The following USP45 variants were observed in gnomAD, a reference collection of about 807,000 sequenced individuals.
USP45 encodes the protein ubiquitin specific peptidase 45, also known as ubiquitin carboxyl-terminal hydrolase 45.
In USP45, 89 loss-of-function variants were observed where a neutral mutation model predicts 95.8. The ratio of observed to expected loss-of-function variants is 0.93; its 90% CI spans 0.78 to 1.11. USP45 has a LOEUF of 1.11. Ranked by LOEUF, USP45 falls within the 50% of genes least tolerant of loss-of-function variation. The pLI, the probability that USP45 is intolerant of heterozygous loss-of-function variation, is 0.00. For missense variants in USP45, 898 were observed against 942.5 expected, an observed-to-expected ratio of 0.95 and a Z score of 0.62; for synonymous variants, 281 against 316.2, an observed-to-expected ratio of 0.89 and a Z score of 1.18.
At chr6:99,492,255 T>C (rs1034208146) in intron 5 of USP45, among the ~76,000 whole-genome samples, 6 of 152,198 alleles carry the variant, frequency 3.9e-5, no homozygotes, top group African/African-American at 1.4e-4. Context: ...ATATCCACGC[T>C]TCACTGTGTG....
Position 99,465,129 on chromosome 6 carries a change from G to A in USP45, c.1115C>T (p.Thr372Met), listed in dbSNP as rs141265374. 3.7e-4 allele frequency: 581 copies of A among 1,588,702 alleles called. 1 individual carries two copies. The highest frequency in any genetic ancestry group is 4.2e-4 in the Non-Finnish European group (489 of 1,164,758). The change falls in exon 12 of 18, where the codon ACG becomes ATG. Residue 372 changes from threonine (T) to methionine (M), a missense_variant. By Grantham distance (81) the Thr-to-Met change is moderately conservative. Coordinates refer to ENST00000500704, the MANE Select transcript of USP45 (RefSeq NM_001346022.3). ...VMCEECANIS[T>M]VKDPFIDISL... ...AATATCAATGAATGGATCTTTCACCGTGGAGATCTTAAAAGGAAAACACAT... is the reference window on the plus strand; with the variant it reads ...AATATCAATGAATGGATCTTTCACCATGGAGATCTTAAAAGGAAAACACAT...
intron 13 of USP45, among the ~76,000 whole-genome samples, chr6:99,447,393 G>A (rs1359820031): frequency 6.6e-6 from 1 of 152,190 alleles, no homozygotes; most frequent in African/African-American, 2.4e-5. Context: ...TATAAAAAGT[G>A]TCTTGCCTCA....
At chr6:99,448,223 T>G (rs1196913416) in intron 13 of USP45, among the ~76,000 whole-genome samples, 2 of 152,126 alleles carry the variant, frequency 1.3e-5, no homozygotes, top group African/African-American at 4.8e-5. Context: ...GAAGAAGGCT[T>G]CAGATGATCA....
chr6:99,466,815 C>A (rs1236939002), intron 10 of USP45, 52 bp from the exon 11 acceptor site: 2 of 1,360,256 alleles, frequency 1.5e-6, no homozygotes, highest in Non-Finnish European at 2.1e-6. Flanking sequence ...ATCCATCTAG[C>A]AGTATAATAG....
At chr6:99,489,552 T>C (rs1432312857) in intron 5 of USP45, among the ~76,000 whole-genome samples, 2 of 152,204 alleles carry the variant, frequency 1.3e-5, no homozygotes, top group African/African-American at 2.4e-5. Flanking sequence ...TTTTTAAAAA[T>C]AAACAGAACC....
chr6:99,499,478 T>G (rs1187740970), intron 5 of USP45, among the ~76,000 whole-genome samples: 1 of 152,188 alleles, frequency 6.6e-6, no homozygotes, highest in Non-Finnish European at 1.5e-5. Flanking sequence ...AACTATTATA[T>G]CCAAAAACTT....
At chr6:99,454,204 C>T (rs1402784395) in intron 13 of USP45, among the ~76,000 whole-genome samples, 1 of 152,142 alleles carries the variant, frequency 6.6e-6, no homozygotes, top group Non-Finnish European at 1.5e-5. Flanking sequence ...AGAACAAACA[C>T]TGGGGGAAGG....
chr6:99,480,917 C>T (rs1792247799), intron 8 of USP45, among the ~76,000 whole-genome samples: 1 of 151,908 alleles, frequency 6.6e-6, no homozygotes, highest in African/African-American at 2.4e-5. Context: ...AAAGTAAACG[C>T]CATAAAACAA....
At chr6:99,464,811 C>T in intron 12 of USP45, 64 bp from the exon 13 acceptor site, 1 of 1,485,348 alleles carries the variant, frequency 6.7e-7, no homozygotes, top group Non-Finnish European at 8.9e-7. Context: ...ATGTCCTCAT[C>T]TTAAAATTTT....
At chr6:99,510,693 C>T (rs1026199659) in intron 1 of USP45, among the ~76,000 whole-genome samples, 25 of 152,244 alleles carry the variant, frequency 1.6e-4, no homozygotes, top group Admixed American at 1.4e-3. Flanking sequence ...GATTTGCCAG[C>T]ATCTTGACCC....
chr6:99,459,599 C>T (rs1785917359), intron 13 of USP45, among the ~76,000 whole-genome samples: 1 of 152,180 alleles, frequency 6.6e-6, no homozygotes, highest in Admixed American at 6.5e-5. Context: ...TATACTTCTA[C>T]CAACAGAGTA....
At chr6:99,446,491 A>G (rs762381876) in intron 13 of USP45, 28 bp from the exon 14 acceptor site, 5 of 1,229,126 alleles carry the variant, frequency 4.1e-6, no homozygotes, top group Non-Finnish European at 5.6e-6. Flanking sequence ...TTTCAAAGAA[A>G]AGAGTCTTGT....
intron 5 of USP45, chr6:99,501,792 A>G: frequency 1.8e-6 from 1 of 559,184 alleles, no homozygotes; most frequent in Non-Finnish European, 2.6e-6. Flanking sequence ...CAAAATACAT[A>G]ATACATTACT....
At chr6:99,467,876 A>C (rs868622723) in intron 10 of USP45, among the ~76,000 whole-genome samples, 9 of 152,120 alleles carry the variant, frequency 5.9e-5, no homozygotes, top group Middle Eastern at 3.2e-3. Flanking sequence ...GTTAGAAAAA[A>C]ATACAAATAA....
At chr6:99,489,277 A>G (rs1415001158) in intron 5 of USP45, among the ~76,000 whole-genome samples, 1 of 152,206 alleles carries the variant, frequency 6.6e-6, no homozygotes, top group Non-Finnish European at 1.5e-5. Context: ...GTCAAAATAC[A>G]CAGGGATTTT....
At chr6:99,444,859 G>A (rs187788941) in intron 14 of USP45, among the ~76,000 whole-genome samples, 10 of 152,228 alleles carry the variant, frequency 6.6e-5, no homozygotes, top group Non-Finnish European at 7.4e-5. Context: ...TGGGAACTAT[G>A]AATAACACAC....
At chr6:99,446,485 A>G (rs772727150) in intron 13 of USP45, 22 bp from the exon 14 acceptor site, 9 of 764,570 alleles carry the variant, frequency 1.2e-5, no homozygotes, top group Non-Finnish European at 1.5e-5. Context: ...CAGTGTTTTC[A>G]AAGAAAAGAG....
chr6:99,492,097 T>C (rs1795302807), intron 5 of USP45, among the ~76,000 whole-genome samples: 1 of 152,238 alleles, frequency 6.6e-6, no homozygotes, highest in Non-Finnish European at 1.5e-5. Flanking sequence ...CCAACAGTTT[T>C]CAAAACATCT....
chr6:99,501,937 T>C (rs1444060037), intron 5 of USP45: 2 of 1,300,626 alleles, frequency 1.5e-6, no homozygotes, highest in East Asian at 5.6e-5. Context: ...TGACAGTTTA[T>C]ATCAACAAAC....
Sources: allele counts gnomAD v4.1 joint callset (sites outside exome capture counted in the v4.1 genomes callset), GRCh38; gene constraint gnomAD v4.1.1; transcripts MANE v1.5; gene names NCBI Gene and HGNC (gene_info 2026-07-23, HGNC 2026-07-21).